SLC2A13: variants seen among roughly 807,000 people sequenced by gnomAD.
SLC2A13 encodes solute carrier family 2 member 13.
Under a neutral mutation model 64.4 loss-of-function variants are expected in SLC2A13, and 32 were observed. The observed-to-expected ratio is 0.50, with a 90% confidence interval of 0.37 to 0.67. The LOEUF (loss-of-function observed/expected upper bound fraction) is 0.67, where lower values mean the gene tolerates loss of function less well. SLC2A13 is among the 30% of genes least tolerant of loss of function. The pLI is 0.00. For missense variants in SLC2A13, 743 were observed against 829.2 expected, an observed-to-expected ratio of 0.90 and a Z score of 1.28; for synonymous variants, 338 against 327.1, an observed-to-expected ratio of 1.03 and a Z score of -0.36.
chr12:39,912,734 T>C (rs1376100164), intron 4 of SLC2A13, among the ~76,000 whole-genome samples: 1 of 152,058 alleles, frequency 6.6e-6, no homozygotes, highest in Non-Finnish European at 1.5e-5. Flanking sequence ...CCTGCCATAG[T>C]GTGGGGCCAT....
At chr12:39,906,737 T>G (rs1369355363) in intron 4 of SLC2A13, among the ~76,000 whole-genome samples, 1 of 152,096 alleles carries the variant, frequency 6.6e-6, no homozygotes, top group Non-Finnish European at 1.5e-5. Context: ...CTTATTAAAG[T>G]GAGAGCTACT....
chr12:39,872,630 A>T (rs1347166193), intron 4 of SLC2A13, among the ~76,000 whole-genome samples: 1 of 152,230 alleles, frequency 6.6e-6, no homozygotes, highest in Non-Finnish European at 1.5e-5. Flanking sequence ...CTTTTAAAAG[A>T]CCATAATGCC....
chr12:40,079,844 A>T (rs1323457055), intron 1 of SLC2A13, among the ~76,000 whole-genome samples: 1 of 152,168 alleles, frequency 6.6e-6, no homozygotes, highest in African/African-American at 2.4e-5. Flanking sequence ...ACCATTTATC[A>T]TTATGTAATG....
chr12:40,096,086 ATTTT>A (rs751983372), intron 1 of SLC2A13, among the ~76,000 whole-genome samples: 3 of 141,110 alleles, frequency 2.1e-5, no homozygotes, highest in Non-Finnish European at 4.7e-5. Flanking sequence ...CGCCTGGCTA[ATTTT>A]TTTTTTTTTT....
At chr12:40,011,537 T>C (rs1458076709) in intron 3 of SLC2A13, among the ~76,000 whole-genome samples, 1 of 152,212 alleles carries the variant, frequency 6.6e-6, no homozygotes, top group East Asian at 1.9e-4. Flanking sequence ...ACAGATATAT[T>C]GTGTGATGCT....
At chr12:39,893,667 A>G (rs1008908754) in intron 4 of SLC2A13, among the ~76,000 whole-genome samples, 2 of 152,174 alleles carry the variant, frequency 1.3e-5, no homozygotes, top group African/African-American at 2.4e-5. Context: ...GTTAAATTCT[A>G]ACTAGAAAAA....
intron 6 of SLC2A13, among the ~76,000 whole-genome samples, chr12:39,841,614 T>C (rs1319236317): frequency 6.6e-6 from 1 of 152,108 alleles, no homozygotes; most frequent in African/African-American, 2.4e-5. Flanking sequence ...TATATATACA[T>C]ACATGTATAA....
At chr12:39,991,726 G>C (rs1395426385) in intron 3 of SLC2A13, among the ~76,000 whole-genome samples, 1 of 151,948 alleles carries the variant, frequency 6.6e-6, no homozygotes, top group Non-Finnish European at 1.5e-5. Flanking sequence ...ATTTTTTCTT[G>C]TGTGTCAGTA....
intron 3 of SLC2A13, among the ~76,000 whole-genome samples, chr12:39,973,361 T>C (rs1239376715): frequency 2.0e-5 from 3 of 152,210 alleles, no homozygotes; most frequent in African/African-American, 7.2e-5. Flanking sequence ...AAGCCTCTGT[T>C]CAGTCTCTTT....
chr12:39,844,050 G>A (rs987461434), intron 6 of SLC2A13, among the ~76,000 whole-genome samples: 1 of 151,874 alleles, frequency 6.6e-6, no homozygotes, highest in Non-Finnish European at 1.5e-5. Context: ...GTTTTGCTTG[G>A]GGCTCATCAT....
chr12:39,862,910 C>T (rs1222775566), intron 6 of SLC2A13, among the ~76,000 whole-genome samples: 2 of 152,136 alleles, frequency 1.3e-5, no homozygotes, highest in Non-Finnish European at 2.9e-5. Flanking sequence ...CAGTCAATTA[C>T]TGCTCAGCTG....
At chr12:40,043,662 C>T (rs1021320500) in intron 2 of SLC2A13, among the ~76,000 whole-genome samples, 1 of 151,854 alleles carries the variant, frequency 6.6e-6, no homozygotes, top group Non-Finnish European at 1.5e-5. Context: ...GGGCAAGCAG[C>T]GATAGAACTT....
intron 3 of SLC2A13, among the ~76,000 whole-genome samples, chr12:40,002,378 CTG>C (rs1947334539): frequency 6.6e-6 from 1 of 152,162 alleles, no homozygotes; most frequent in Non-Finnish European, 1.5e-5. Context: ...ACTCCAAAGT[CTG>C]TATTACACAT....
intron 9 of SLC2A13, among the ~76,000 whole-genome samples, chr12:39,764,120 A>G (rs1940260909): frequency 6.6e-6 from 1 of 151,044 alleles, no homozygotes; most frequent in African/African-American, 2.4e-5. Context: ...TCTTTTTACC[A>G]TTTTCTGTTT....
At chr12:39,962,934 G>A (rs1591954601) in intron 3 of SLC2A13, among the ~76,000 whole-genome samples, 1 of 152,236 alleles carries the variant, frequency 6.6e-6, no homozygotes, top group Non-Finnish European at 1.5e-5. Flanking sequence ...AACTACTGAT[G>A]CTATGATTTC....
intron 2 of SLC2A13, among the ~76,000 whole-genome samples, chr12:40,034,477 C>A (rs1051841640): frequency 1.3e-5 from 2 of 152,120 alleles, no homozygotes; most frequent in African/African-American, 4.8e-5. Flanking sequence ...GGCTTTCTAG[C>A]AAATTCTCTA....
At chr12:39,924,085 A>C (rs1337298254) in intron 4 of SLC2A13, among the ~76,000 whole-genome samples, 2 of 152,168 alleles carry the variant, frequency 1.3e-5, no homozygotes, top group Admixed American at 1.3e-4. Context: ...TGTTATGTTA[A>C]AATAATTTTC....
intron 4 of SLC2A13, among the ~76,000 whole-genome samples, chr12:39,891,688 C>T (rs1457060558): frequency 1.3e-5 from 2 of 152,072 alleles, no homozygotes; most frequent in African/African-American, 4.8e-5. Context: ...ATATTAGAAA[C>T]CTGGTGGCTC....
Position 39,896,473 on chromosome 12 carries a change from T to C in SLC2A13, c.1035-24512A>G, listed in dbSNP as rs541394446. ...ATGTGTGTATATATGTATACATATA[T>C]GTATATGTGTATATATGTACACATA... On this transcript the variant is annotated intron_variant, in intron 4 of 9. Coordinates refer to ENST00000280871, the MANE Select transcript of SLC2A13 (RefSeq NM_052885.4). Among the ~76,000 whole-genome samples the C allele has an allele frequency of 1.0e-4, 15 of 146,832 alleles. No individual in the cohort carries two copies. In the South Asian group the frequency reaches 2.6e-3, roughly 25 times the overall value.
Sources: gnomAD v4.1 joint callset for allele counts (sites outside exome capture counted in the v4.1 genomes callset) on GRCh38, gnomAD v4.1.1 for gene constraint, MANE v1.5 for transcripts, NCBI Gene and HGNC (gene_info 2026-07-23, HGNC 2026-07-21) for gene names.